The following ATXN8OS variants were observed in gnomAD, a reference collection of about 807,000 sequenced individuals.
ATXN8OS encodes the protein ATXN8 opposite strand (non-protein coding).
chr13:70,143,253 C>T (rs768193371), intron 3 of ATXN8OS, among the ~76,000 whole-genome samples: 1 of 151,956 alleles, frequency 6.6e-6, no homozygotes, highest in African/African-American at 2.4e-5. Flanking sequence ...TGGATTTAAT[C>T]TAAATTTCCT....
chr13:70,159,911 G>C (rs1334494679), intron 4 of ATXN8OS, among the ~76,000 whole-genome samples: 1 of 152,148 alleles, frequency 6.6e-6, no homozygotes, highest in African/African-American at 2.4e-5. Flanking sequence ...TATGTACAGT[G>C]TGTTTGTCCA....
chr13:70,113,100 T>G (rs1340902421), intron 1 of ATXN8OS, among the ~76,000 whole-genome samples: 1 of 151,584 alleles, frequency 6.6e-6, no homozygotes, highest in African/African-American at 2.4e-5. Context: ...TTTCGTATTT[T>G]TAGTAGAGAC....
chr13:70,129,738 T>A (rs1424566342), intron 2 of ATXN8OS: 2 of 398,234 alleles, frequency 5.0e-6, no homozygotes, highest in Admixed American at 8.8e-5. Context: ...TCTAAGTGTC[T>A]CCTTATGTTT....
chr13:70,123,933 T>G (rs1051565521), intron 2 of ATXN8OS, among the ~76,000 whole-genome samples: 3 of 152,106 alleles, frequency 2.0e-5, no homozygotes, highest in African/African-American at 7.2e-5. Context: ...AAATTTAAGG[T>G]GTAGGCTTTT....
chr13:70,167,323 T>A (rs1473068632), intron 4 of ATXN8OS, among the ~76,000 whole-genome samples: 1 of 152,074 alleles, frequency 6.6e-6, no homozygotes, highest in Non-Finnish European at 1.5e-5. Context: ...TGGAATACTA[T>A]GCAGCCATAA....
At chr13:70,139,380 A>ACTGCTG (rs752810956) in intron 3 of ATXN8OS, 9,888 of 575,812 alleles carry the variant, frequency 0.017, 94 homozygotes, top group East Asian at 0.05. Context: ...TACTACTACT[A>ACTGCTG]CTACTGCTGC....
intron 4 of ATXN8OS, among the ~76,000 whole-genome samples, chr13:70,160,344 A>G (rs1888992585): frequency 6.6e-6 from 1 of 151,654 alleles, no homozygotes; most frequent in Admixed American, 6.6e-5. Context: ...AGAATCTAAT[A>G]TACGAGTGGC....
At chr13:70,149,672 G>A (rs1888838483) in intron 4 of ATXN8OS, among the ~76,000 whole-genome samples, 1 of 152,058 alleles carries the variant, frequency 6.6e-6, no homozygotes, top group Non-Finnish European at 1.5e-5. Flanking sequence ...TAACAGATTA[G>A]CAGTAGGCAA....
At chr13:70,171,219 C>G (rs1288233332) in exon 5 of ATXN8OS, among the ~76,000 whole-genome samples, 1 of 152,076 alleles carries the variant, frequency 6.6e-6, no homozygotes, top group African/African-American at 2.4e-5. Context: ...TCTTCCAACA[C>G]AGTTTGAAGA....
intron 2 of ATXN8OS, among the ~76,000 whole-genome samples, chr13:70,115,880 A>G (rs1176482398): frequency 6.6e-6 from 1 of 152,138 alleles, no homozygotes; most frequent in East Asian, 1.9e-4. Flanking sequence ...TTGTATTTCT[A>G]AAGTACTATA....
exon 5 of ATXN8OS, among the ~76,000 whole-genome samples, chr13:70,170,261 A>G (rs988865356): frequency 1.7e-4 from 26 of 152,118 alleles, no homozygotes; most frequent in Non-Finnish European, 1.5e-5. Flanking sequence ...AATTCGTAAC[A>G]TATGAATGAG....
chr13:70,139,525 A>T (rs1381489348), intron 3 of ATXN8OS: 1 of 502,218 alleles, frequency 2.0e-6, no homozygotes, highest in Non-Finnish European at 3.5e-6. Flanking sequence ...CTTACTTAAG[A>T]ATTTATGAAT....
intron 4 of ATXN8OS, among the ~76,000 whole-genome samples, chr13:70,160,998 C>A (rs958140111): frequency 6.6e-6 from 1 of 151,062 alleles, no homozygotes; most frequent in Non-Finnish European, 1.5e-5. Flanking sequence ...TATGACATAT[C>A]GAGACAAATC....
At chr13:70,121,999 T>A (rs2137476161) in intron 2 of ATXN8OS, among the ~76,000 whole-genome samples, 1 of 152,206 alleles carries the variant, frequency 6.6e-6, no homozygotes, top group Admixed American at 6.5e-5. Context: ...TTAAAAATTA[T>A]ATAACCTGTG....
intron 1 of ATXN8OS, among the ~76,000 whole-genome samples, chr13:70,110,060 C>T (rs973244391): frequency 8.5e-5 from 13 of 152,098 alleles, no homozygotes; most frequent in South Asian, 8.3e-4. Context: ...CTCTGCAATA[C>T]TAATAAGAAT....
chr13:70,162,385 C>A (rs1183269708), intron 4 of ATXN8OS, among the ~76,000 whole-genome samples: 5 of 152,138 alleles, frequency 3.3e-5, no homozygotes, highest in Non-Finnish European at 5.9e-5. Flanking sequence ...TAGAGGGATA[C>A]AGGCAGCCTG....
chr13:70,154,382 A>G (rs1888910676), intron 4 of ATXN8OS, among the ~76,000 whole-genome samples: 1 of 152,164 alleles, frequency 6.6e-6, no homozygotes, highest in Non-Finnish European at 1.5e-5. Context: ...AGGGGCTGCT[A>G]CTTCTTTCTT....
intron 4 of ATXN8OS, among the ~76,000 whole-genome samples, chr13:70,169,485 G>A (rs576806879): frequency 2.0e-5 from 3 of 151,990 alleles, no homozygotes; most frequent in Admixed American, 6.6e-5. Context: ...TTGTAGAGAC[G>A]GGGTTTCACC....
chr13:70,107,477 A>G, upstream of ATXN8OS: 1 of 1,614,106 alleles, frequency 6.2e-7, no homozygotes, highest in Non-Finnish European at 8.5e-7. Flanking sequence ...GAAGAGGAAG[A>G]GGAGGAAGGC....
Sources: gnomAD v4.1 joint callset for allele counts (sites outside exome capture counted in the v4.1 genomes callset) on GRCh38, gnomAD v4.1.1 for gene constraint, MANE v1.5 for transcripts, NCBI Gene and HGNC (gene_info 2026-07-23, HGNC 2026-07-21) for gene names.